The following C16orf74 variants were observed in gnomAD, a reference collection of about 807,000 sequenced individuals.
The protein encoded by C16orf74 is calcimembrin.
In C16orf74, 10 loss-of-function variants were observed where a neutral mutation model predicts 6.5. That is an observed-to-expected ratio of 1.54 (90% CI 0.95 to 2.61). The LOEUF is 2.61. Ranked by LOEUF, C16orf74 falls within the 30% of genes most tolerant of loss-of-function variation. C16orf74 has a pLI of 0.00. For synonymous variants in C16orf74, 60 were observed against 42.5 expected (o/e 1.41, Z -1.60); for missense variants, 141 against 105.9 (o/e 1.33, Z -1.45).
intron 2 of C16orf74, among the ~76,000 whole-genome samples, chr16:85,719,476 C>T (rs759183825): frequency 3.9e-5 from 6 of 152,082 alleles, no homozygotes; most frequent in Admixed American, 6.5e-5. Context: ...GGGCACTGAT[C>T]GTTTGATCCT....
At chr16:85,720,065 T>A (rs934134390) in intron 2 of C16orf74, among the ~76,000 whole-genome samples, 28 of 151,748 alleles carry the variant, frequency 1.8e-4, no homozygotes, top group Admixed American at 1.7e-3. Context: ...TTTTTTTTTT[T>A]AATTCCAATT....
intron 2 of C16orf74, among the ~76,000 whole-genome samples, chr16:85,716,656 GAGA>G (rs963127840): frequency 6.7e-6 from 1 of 148,670 alleles, no homozygotes; most frequent in African/African-American, 2.5e-5. Flanking sequence ...AAGGCAGAGG[GAGA>G]AGGAGGAGGA....
At chr16:85,743,887 A>G (rs968377214) in intron 1 of C16orf74, among the ~76,000 whole-genome samples, 6 of 152,074 alleles carry the variant, frequency 3.9e-5, no homozygotes, top group Non-Finnish European at 7.4e-5. Flanking sequence ...CCCCGTCTCT[A>G]CTAAAAATAC....
chr16:85,710,381 C>T lies in C16orf74; in HGVS notation c.29-74G>A, dbSNP rs2053957826. ...ACAGGCATCAGTGGCCGCCGGGAAC[C>T]GCGGGCGCCACCCTCCCTTCACTAT... On this transcript the variant is annotated intron_variant, in intron 2 of 3. Transcript: ENST00000284245. 4.3e-6 allele frequency: 6 copies of T among 1,387,372 alleles called. No homozygotes were observed. The South Asian group carries it at 4.6e-5, about 11-fold the overall frequency. The allele number at this position is 1,387,372 out of a possible 1,614,324, so 85.9% of individuals were successfully genotyped here. A position where few individuals can be genotyped will look rare whatever the true frequency, so the allele number is the denominator to read the frequency against.
At chr16:85,745,268 T>A (rs1040154013) in intron 1 of C16orf74, among the ~76,000 whole-genome samples, 1 of 151,404 alleles carries the variant, frequency 6.6e-6, no homozygotes, top group Non-Finnish European at 1.5e-5. Flanking sequence ...CACCCCCTCC[T>A]GAGGGGTGGC....
intron 1 of C16orf74, among the ~76,000 whole-genome samples, chr16:85,742,981 C>A (rs765452318): frequency 1.3e-5 from 2 of 152,238 alleles, no homozygotes; most frequent in Admixed American, 6.5e-5. Context: ...CCATCATCAT[C>A]CTCATCATCG....
At position 85,749,866 on chromosome 16, in the gene C16orf74, C is replaced by T. The variant is rs568001964; in HGVS notation, c.-19+1060G>A. Among the ~76,000 whole-genome samples the T allele has an allele frequency of 3.8e-4, 58 of 152,342 alleles. 3 individuals carry two copies. The South Asian group carries it at 0.012, about 31-fold the overall frequency. ...CGAGATTAGGTGGTGAGCTTTCAGC[C>T]TCCTTGGGGCTGGTGAGGGATTAAG... On this transcript the variant is annotated intron_variant, in intron 1 of 3. Coordinates refer to ENST00000284245, the MANE Select transcript of C16orf74 (RefSeq NM_206967.3).
At chr16:85,711,119 G>C (rs1358734500) in intron 2 of C16orf74, among the ~76,000 whole-genome samples, 1 of 152,038 alleles carries the variant, frequency 6.6e-6, no homozygotes, top group Non-Finnish European at 1.5e-5. Flanking sequence ...TTCAAGACCA[G>C]CCTGGCCAAC....
At position 85,735,192 on chromosome 16, in the gene C16orf74, T is replaced by C; in HGVS notation, c.26A>G (p.Lys9Arg). The change falls in exon 2 of 4, where the codon AAA (lysine) becomes AGA (arginine). Residue 9 changes from lysine to arginine, a missense_variant and splice_region_variant. Coordinates refer to ENST00000284245, the MANE Select transcript of C16orf74 (RefSeq NM_206967.3). MGLKMSCL[K>R]GFQMCVSSSS... Reference sequence around the variant, plus strand: ...GGGGGCAGAGCTTCAGGCCTTACCTTTCAGGCAGGACATCTTAAGCCCCAT... The same window carrying C: ...GGGGGCAGAGCTTCAGGCCTTACCTCTCAGGCAGGACATCTTAAGCCCCAT... The C allele has an allele frequency of 6.2e-7, 1 of 1,605,954 alleles. No individual in the cohort carries two copies. The highest frequency in any genetic ancestry group is 8.5e-7 in the Non-Finnish European group (1 of 1,175,924).
chr16:85,750,332 C>T (rs2054423177), intron 1 of C16orf74, among the ~76,000 whole-genome samples: 2 of 152,208 alleles, frequency 1.3e-5, no homozygotes, highest in African/African-American at 4.8e-5. Flanking sequence ...GGGGGAGCTG[C>T]GGGTGCCCCT....
chr16:85,712,273 C>G lies in C16orf74; in HGVS notation c.29-1966G>C, dbSNP rs1336336362. On this transcript the variant is annotated intron_variant, in intron 2 of 3. Coordinates refer to ENST00000284245, the MANE Select transcript of C16orf74 (RefSeq NM_206967.3). ...CATGATCGACCCTGAGCCAGAACCACCCAGATAAGCCACTCCTCAATTCCT... is the reference window on the plus strand; with the variant it reads ...CATGATCGACCCTGAGCCAGAACCAGCCAGATAAGCCACTCCTCAATTCCT... Among the ~76,000 whole-genome samples the G allele has an allele frequency of 6.6e-5, 10 of 152,356 alleles. No individual in the cohort carries two copies. The East Asian group carries it at 1.7e-3, about 26-fold the overall frequency.
chr16:85,745,963 G>A (rs1359978577), intron 1 of C16orf74, among the ~76,000 whole-genome samples: 1 of 152,220 alleles, frequency 6.6e-6, no homozygotes, highest in Non-Finnish European at 1.5e-5. Flanking sequence ...AGCTGGAAGT[G>A]GTCAGAGAGA....
In C16orf74 at chr16:85,708,073, G is replaced by A. The variant is rs2152056899; in HGVS notation, c.173-7C>T. ...CCTGTCTCATCCAGCCAGACTAGGA[G>A]AAAGAGGGGATGGACACCTGGATGC... On this transcript the variant is annotated splice_region_variant and splice_polypyrimidine_tract_variant and intron_variant, in intron 3 of 3. Transcript: ENST00000284245. The A allele has an allele frequency of 6.4e-7, 1 of 1,552,652 alleles. No individual in the cohort carries two copies. Among genetic ancestry groups the A allele is most frequent in the South Asian group, 1.2e-5 (1 of 84,104 alleles).
chr16:85,737,684 A>G (rs967304559), intron 1 of C16orf74, among the ~76,000 whole-genome samples: 4 of 152,190 alleles, frequency 2.6e-5, no homozygotes, highest in African/African-American at 7.2e-5. Context: ...ACAAAAAATT[A>G]GCTGGGTGTG....
intron 2 of C16orf74, among the ~76,000 whole-genome samples, chr16:85,728,197 CAA>C (rs757384970): frequency 1.3e-5 from 2 of 152,088 alleles, no homozygotes; most frequent in Non-Finnish European, 1.5e-5. Flanking sequence ...AAATAAATAA[CAA>C]TGGATTTGTA....
chr16:85,746,915 T>C (rs1320906243), intron 1 of C16orf74, among the ~76,000 whole-genome samples: 1 of 152,260 alleles, frequency 6.6e-6, no homozygotes, highest in Non-Finnish European at 1.5e-5. Context: ...GAAGCGATAC[T>C]GCAAGCATTC....
intron 1 of C16orf74, 150 bp from the exon 2 acceptor site, chr16:85,735,385 T>G (rs1004713445): frequency 4.3e-6 from 2 of 465,050 alleles, no homozygotes; most frequent in East Asian, 7.2e-5. Flanking sequence ...ATGCCACCTG[T>G]CAACTACATC....
chr16:85,735,684 CT>C lies in C16orf74; in HGVS notation c.-18-450del, dbSNP rs66521638. On this transcript the variant is annotated intron_variant, in intron 1 of 3. Transcript: ENST00000284245. ...TGGCCATGTACCTCCCGTTCTAATG[CT>C]TTTTTTTTTTCCCCTAATGCAGGTT... is the stretch of plus-strand genomic sequence containing the variant. 3.2e-3 allele frequency among the ~76,000 whole-genome samples: 469 copies of C among 147,750 alleles called. 5 individuals are homozygous for C. Among genetic ancestry groups the C allele is most frequent in the African/African-American group, 8.9e-3 (361 of 40,372 alleles).
chr16:85,742,769 A>C (rs2054324469), intron 1 of C16orf74, among the ~76,000 whole-genome samples: 1 of 152,102 alleles, frequency 6.6e-6, no homozygotes. Context: ...TTGAACTCCC[A>C]ACCTCAGGTG....
Sources: gnomAD v4.1 joint callset for allele counts (sites outside exome capture counted in the v4.1 genomes callset) on GRCh38, gnomAD v4.1.1 for gene constraint, MANE v1.5 for transcripts, NCBI Gene and HGNC (gene_info 2026-07-23, HGNC 2026-07-21) for gene names.